The following CD34 variants were observed in gnomAD, a reference collection of about 807,000 sequenced individuals.
CD34 encodes the protein CD34 molecule.
A neutral mutation model predicts 40.1 loss-of-function variants in CD34; 34 were observed. That is an observed-to-expected ratio of 0.85 (90% CI 0.65 to 1.13). The LOEUF (loss-of-function observed/expected upper bound fraction) is 1.13, where lower values mean the gene tolerates loss of function less well. CD34 is among the 50% of genes most tolerant of loss of function. The pLI, the probability that CD34 is intolerant of heterozygous loss-of-function variation, is 0.00. For synonymous variants in CD34, 209 were observed against 190.0 expected (o/e 1.10, Z -0.82); for missense variants, 426 against 466.9 (o/e 0.91, Z 0.81).
Position 207,887,550 on chromosome 1 carries a change from T to C in CD34, c.*188A>G. 1 of 735,672 alleles carries C rather than the reference T, an allele frequency of 1.4e-6. No individual in the cohort carries two copies. The highest frequency in any genetic ancestry group is 2.1e-6 in the Non-Finnish European group (1 of 465,968). The allele number at this position is 735,672 out of a possible 1,614,324, so 45.6% of individuals were successfully genotyped here. On this transcript the variant is annotated 3_prime_UTR_variant, in exon 8 of 8. Coordinates refer to ENST00000310833, the MANE Select transcript of CD34 (RefSeq NM_001025109.2). The stretch of plus-strand genomic sequence containing the variant: ...CAGAGTCTGGCTCCAGGGAGCCGAA[T>C]GTGTAAAGGACAGGAGTTTACCTGC...
intron 1 of CD34, among the ~76,000 whole-genome samples, chr1:207,901,014 T>TTA (rs1553262415): frequency 1.3e-5 from 2 of 151,088 alleles, no homozygotes; most frequent in Admixed American, 6.6e-5. Flanking sequence ...TTTTTTTTTT[T>TTA]AAGACAGGGT....
chr1:207,902,750 C>G (rs1662298588), intron 1 of CD34, among the ~76,000 whole-genome samples: 1 of 152,186 alleles, frequency 6.6e-6, no homozygotes, highest in African/African-American at 2.4e-5. Context: ...TAGACAAACA[C>G]TTTTGAACTT....
chr1:207,911,040 G>C lies in CD34; in HGVS notation c.41C>G (p.Pro14Arg). 1 of 1,593,348 alleles carries C rather than the reference G, an allele frequency of 6.3e-7. No homozygotes were observed. The highest frequency in any genetic ancestry group is 8.5e-7 in the Non-Finnish European group (1 of 1,173,278). ...CAAGCAAAGCGCGGTCCAGCCCCGC[G>C]GCATCCTGGGCCCTGCGCGCGCGCC... The part of the protein sequence containing the change: ...RRGARAGPRM[P>R]RGWTALCLLS... The change falls in exon 1 of 8, where the codon CCG becomes CGG. Residue 14 changes from proline (P) to arginine (R), a missense_variant. Transcript: ENST00000310833.
rs1661824159 is a variant in CD34 at position 207,882,301 on chromosome 1, C to T, written c.*5437G>A. The T allele has an allele frequency of 1.3e-5, 2 of 152,282 alleles. No individual in the cohort carries two copies. The highest frequency in any genetic ancestry group is 1.3e-4 in the Admixed American group (2 of 15,286). The allele number at this position is 152,282 out of a possible 1,614,324, so 9.4% of individuals were successfully genotyped here. On this transcript the variant is annotated 3_prime_UTR_variant, in exon 8 of 8. Coordinates refer to ENST00000310833, the MANE Select transcript of CD34 (RefSeq NM_001025109.2). The stretch of plus-strand genomic sequence containing the variant: ...CAATAATGAGGTACCCCCTTCACCC[C>T]ATCCCACCTCTCTGCCCTGAAGGTG...
In CD34 at chr1:207,897,683, G is replaced by A. The variant is rs536344890; in HGVS notation, c.517-110C>T. 325 of 806,604 alleles carry A rather than the reference G, an allele frequency of 4.0e-4. 4 individuals are homozygous for A. In the Admixed American group the frequency reaches 4.7e-3, roughly 12 times the overall value. The allele number at this position is 806,604 out of a possible 1,614,324, so 50.0% of individuals were successfully genotyped here. ...TTGCTTTCTGTGAGGTGCTCTCTTA[G>A]GAGGTTTTAAGGAAAAGGACATTTA... is the stretch of plus-strand genomic sequence containing the variant. On this transcript the variant is annotated intron_variant, in intron 3 of 7. Coordinates refer to ENST00000310833, the MANE Select transcript of CD34 (RefSeq NM_001025109.2).
chr1:207,881,831 T>A lies in CD34; in HGVS notation c.*5907A>T, dbSNP rs184863782. ...CTTACATTATCATGTAATTGAATAA[T>A]TATTGTTATTTTTAAACAAATTAAT... On this transcript the variant is annotated 3_prime_UTR_variant, in exon 8 of 8. Coordinates refer to ENST00000310833, the MANE Select transcript of CD34 (RefSeq NM_001025109.2). 3 of 152,218 alleles carry A rather than the reference T, an allele frequency of 2.0e-5. No homozygotes were observed. Among genetic ancestry groups the A allele is most frequent in the Admixed American group, 2.0e-4 (3 of 15,310 alleles). 9.4% of individuals were successfully genotyped at this position (152,218 alleles called of 1,614,324 possible).
chr1:207,888,656 C>T, intron 7 of CD34, 26 bp downstream of exon 7: 1 of 1,612,158 alleles, frequency 6.2e-7, no homozygotes, highest in Non-Finnish European at 8.5e-7. Flanking sequence ...TTCCTCATTT[C>T]CTTTACCCTG....
At chr1:207,896,918 A>T (rs1451439198) in intron 4 of CD34, among the ~76,000 whole-genome samples, 2 of 152,202 alleles carry the variant, frequency 1.3e-5, no homozygotes, top group Non-Finnish European at 2.9e-5. Flanking sequence ...ATGCCCTAAG[A>T]CATATAAAAA....
At chr1:207,893,801 C>T (rs1328958856) in intron 4 of CD34, among the ~76,000 whole-genome samples, 1 of 152,082 alleles carries the variant, frequency 6.6e-6, no homozygotes, top group Non-Finnish European at 1.5e-5. Context: ...TACAAATGGC[C>T]AACAAACACA....
At chr1:207,900,360 A>G (rs1196578769) in intron 1 of CD34, among the ~76,000 whole-genome samples, 4 of 152,194 alleles carry the variant, frequency 2.6e-5, no homozygotes, top group African/African-American at 9.7e-5. Context: ...AATTATAAAA[A>G]CTGTAGCAAC....
In CD34 at chr1:207,887,686, CAG is replaced by C; in HGVS notation, c.*50_*51del. 2 of 1,607,850 alleles carry C rather than the reference CAG, an allele frequency of 1.2e-6. No homozygotes were observed. Among genetic ancestry groups the C allele is most frequent in the Non-Finnish European group, 1.7e-6 (2 of 1,176,428 alleles). The stretch of plus-strand genomic sequence containing the variant: ...CATGGGGGTAGCACGTGGTCAGATG[CAG>C]AGAGGGGTGCTCTCTCGGACACTGC... On this transcript the variant is annotated 3_prime_UTR_variant, in exon 8 of 8. Transcript: ENST00000310833.
chr1:207,897,878 T>A (rs187742287), intron 3 of CD34, among the ~76,000 whole-genome samples: 6 of 152,216 alleles, frequency 3.9e-5, no homozygotes, highest in Non-Finnish European at 5.9e-5. Flanking sequence ...GAGGGGAGGA[T>A]CTTTTCCCAT....
At chr1:207,891,620 C>T (rs182615471) in intron 4 of CD34, among the ~76,000 whole-genome samples, 1 of 151,896 alleles carries the variant, frequency 6.6e-6, no homozygotes, top group Admixed American at 6.6e-5. Context: ...GAGGTTGAGT[C>T]CACTGTACTC....
At position 207,883,299 on chromosome 1, in the gene CD34, T is replaced by A. The variant is rs1389768580; in HGVS notation, c.*4439A>T. The A allele has an allele frequency of 1.3e-5, 2 of 152,222 alleles. No homozygotes were observed. Among genetic ancestry groups the A allele is most frequent in the Non-Finnish European group, 2.9e-5 (2 of 68,044 alleles). The allele number at this position is 152,222 out of a possible 1,614,324, so 9.4% of individuals were successfully genotyped here. On this transcript the variant is annotated 3_prime_UTR_variant, in exon 8 of 8. Transcript: ENST00000310833. Reference sequence around the variant, plus strand: ...TCTCAAATGTCCTTACTCATTACTATCATCAAAATCGTATTCATTTTTACA... The same window carrying A: ...TCTCAAATGTCCTTACTCATTACTAACATCAAAATCGTATTCATTTTTACA...
Position 207,889,454 on chromosome 1 carries a change from G to A in CD34, c.754+11C>T. ...TCCTTCCCTGTTCCCCCAGGCAGAG[G>A]TGCACCTTACCTGTTCTGTTGGCCA... is the stretch of plus-strand genomic sequence containing the variant. On this transcript the variant is annotated intron_variant, in intron 5 of 7. Coordinates refer to ENST00000310833, the MANE Select transcript of CD34 (RefSeq NM_001025109.2). The A allele has an allele frequency of 2.5e-6, 4 of 1,605,282 alleles. No individual in the cohort carries two copies. The highest frequency in any genetic ancestry group is 2.6e-6 in the Non-Finnish European group (3 of 1,174,508).
intron 5 of CD34, 39 bp from the exon 6 acceptor site, chr1:207,889,252 A>AT: frequency 6.2e-7 from 1 of 1,613,680 alleles, no homozygotes; most frequent in Non-Finnish European, 8.5e-7. Flanking sequence ...CTAAAGAGAA[A>AT]CCAGCTTATC....
intron 4 of CD34, among the ~76,000 whole-genome samples, chr1:207,896,532 G>A (rs2488250): frequency 0.42 from 64,532 of 151,874 alleles, 14,545 homozygotes; most frequent in African/African-American, 0.56. Flanking sequence ...CAAAATAATT[G>A]TTCAAAACTC....
Position 207,887,490 on chromosome 1 carries a change from G to T in CD34, c.*248C>A. ...GTTCCTGGGAGCTTCTCCAGACCTT[G>T]GCTTTCCCCCGTCACACGTTTACCC... On this transcript the variant is annotated 3_prime_UTR_variant, in exon 8 of 8. Transcript: ENST00000310833. 1 of 524,220 alleles carries T rather than the reference G, an allele frequency of 1.9e-6. No individual in the cohort carries two copies. Among genetic ancestry groups the T allele is most frequent in the Non-Finnish European group, 3.4e-6 (1 of 296,050 alleles). 32.5% of individuals were successfully genotyped at this position (524,220 alleles called of 1,614,324 possible). A position where few individuals can be genotyped will look rare whatever the true frequency, so the allele number is the denominator to read the frequency against.
chr1:207,888,909 C>T, intron 6 of CD34, 63 bp from the exon 7 acceptor site: 1 of 1,537,192 alleles, frequency 6.5e-7, no homozygotes, highest in Admixed American at 1.7e-5. Flanking sequence ...CAGCCCGCTC[C>T]AGCCCTCTGT....
Sources: gnomAD v4.1 joint callset for allele counts (sites outside exome capture counted in the v4.1 genomes callset) on GRCh38, gnomAD v4.1.1 for gene constraint, MANE v1.5 for transcripts, NCBI Gene and HGNC (gene_info 2026-07-23, HGNC 2026-07-21) for gene names.